Variants in DLG2 observed in about 807,000 individuals in gnomAD.
DLG2 encodes the protein discs large MAGUK scaffold protein 2.
A neutral mutation model predicts 132.5 loss-of-function variants in DLG2; 45 were observed. The ratio of observed to expected loss-of-function variants is 0.34; its 90% CI spans 0.27 to 0.44. The LOEUF (loss-of-function observed/expected upper bound fraction) is 0.44, where lower values mean the gene tolerates loss of function less well. Ranked by LOEUF, DLG2 falls within the 20% of genes least tolerant of loss-of-function variation. The pLI, the probability that DLG2 is intolerant of heterozygous loss-of-function variation, is 1.00. For synonymous variants in DLG2, 424 were observed against 419.6 expected (o/e 1.01, Z -0.13); for missense variants, 1,045 against 1,196.9 (o/e 0.87, Z 1.87).
chr11:85,254,184 C>A (rs912819161), intron 4 of DLG2, among the ~76,000 whole-genome samples: 6 of 152,114 alleles, frequency 3.9e-5, no homozygotes, highest in Non-Finnish European at 7.3e-5. Flanking sequence ...ATCAATACTA[C>A]AAATAAGTTA....
intron 21 of DLG2, among the ~76,000 whole-genome samples, chr11:83,499,310 T>G (rs2094321534): frequency 6.6e-6 from 1 of 152,196 alleles, no homozygotes. Flanking sequence ...GTATTTCAAG[T>G]GAATTTACTG....
intron 6 of DLG2, among the ~76,000 whole-genome samples, chr11:84,583,541 G>C (rs1289717973): frequency 6.6e-6 from 1 of 152,152 alleles, no homozygotes; most frequent in Non-Finnish European, 1.5e-5. Flanking sequence ...CTATATGTTT[G>C]ATGTATGCAA....
At chr11:83,852,085 C>T (rs749345004) in intron 16 of DLG2, among the ~76,000 whole-genome samples, 1 of 152,306 alleles carries the variant, frequency 6.6e-6, no homozygotes, top group African/African-American at 2.4e-5. Context: ...GAGTCCCCTA[C>T]AGGTTTCAGA....
At chr11:84,680,276 T>C (rs2099725432) in intron 6 of DLG2, among the ~76,000 whole-genome samples, 1 of 152,140 alleles carries the variant, frequency 6.6e-6, no homozygotes, top group Non-Finnish European at 1.5e-5. Context: ...CCTTTTACCC[T>C]GTCACAATTC....
chr11:83,708,915 G>C (rs1451597328), intron 18 of DLG2, among the ~76,000 whole-genome samples: 1 of 152,130 alleles, frequency 6.6e-6, no homozygotes, highest in Non-Finnish European at 1.5e-5. Flanking sequence ...TACTAGTTGA[G>C]TGATCTTGGA....
At chr11:85,497,527 T>A (rs781522938) in intron 3 of DLG2, among the ~76,000 whole-genome samples, 7 of 152,090 alleles carry the variant, frequency 4.6e-5, no homozygotes, top group Non-Finnish European at 1.0e-4. Flanking sequence ...CAGGAGAACT[T>A]CCCCAACCTG....
chr11:84,261,027 G>T lies in DLG2; in HGVS notation c.520-9736C>A, dbSNP rs73519800. ...TGCTATTCCTGGAAAGATCCATGTG[G>T]ATACCATCTGTTCCTCGTTGCTAAG... On this transcript the variant is annotated intron_variant, in intron 7 of 27. Coordinates refer to ENST00000376104, the MANE Select transcript of DLG2 (RefSeq NM_001142699.3). Among the ~76,000 whole-genome samples, 350 of 152,236 alleles carry T rather than the reference G, an allele frequency of 2.3e-3. 1 individual carries two copies. Among genetic ancestry groups the T allele is most frequent in the African/African-American group, 8.1e-3 (338 of 41,526 alleles).
chr11:85,466,324 G>A (rs1245817439), intron 3 of DLG2, among the ~76,000 whole-genome samples: 24 of 152,178 alleles, frequency 1.6e-4, no homozygotes, highest in African/African-American at 2.6e-4. Context: ...ATTAGATCCT[G>A]TTTGTCAATT....
intron 6 of DLG2, among the ~76,000 whole-genome samples, chr11:84,703,866 A>ATATATATATATATATATATATATATG (rs1356758303): frequency 2.5e-4 from 30 of 118,336 alleles, no homozygotes; most frequent in African/African-American, 1.3e-3. Context: ...AGATATATAT[A>ATATATATATATATATATATATATATG]TATATATATA....
intron 9 of DLG2, among the ~76,000 whole-genome samples, chr11:84,137,571 A>G (rs558671784): frequency 6.6e-6 from 1 of 152,178 alleles, no homozygotes; most frequent in Non-Finnish European, 1.5e-5. Flanking sequence ...GGTTATTATC[A>G]ACAGATGTTT....
intron 6 of DLG2, among the ~76,000 whole-genome samples, chr11:84,793,305 G>C (rs1012550576): frequency 6.6e-6 from 1 of 152,112 alleles, no homozygotes; most frequent in African/African-American, 2.4e-5. Context: ...AATGTTTTAA[G>C]GCTTGTTTTG....
intron 6 of DLG2, among the ~76,000 whole-genome samples, chr11:84,970,935 T>G (rs183556872): frequency 1.3e-5 from 2 of 152,198 alleles, no homozygotes; most frequent in Non-Finnish European, 2.9e-5. Context: ...CCATAATCTA[T>G]TTTCAATACT....
chr11:84,289,344 C>A (rs562980262), intron 7 of DLG2, among the ~76,000 whole-genome samples: 31 of 152,074 alleles, frequency 2.0e-4, no homozygotes, highest in Middle Eastern at 3.4e-3. Context: ...AGGAAAATTA[C>A]AAGAATCAGC....
chr11:85,516,555 A>G (rs979606290), intron 3 of DLG2, among the ~76,000 whole-genome samples: 4 of 152,080 alleles, frequency 2.6e-5, no homozygotes, highest in African/African-American at 4.8e-5. Context: ...TTGACCAAGA[A>G]GAGAGACAAT....
chr11:84,828,408 G>C (rs2078613688), intron 6 of DLG2, among the ~76,000 whole-genome samples: 2 of 151,816 alleles, frequency 1.3e-5, no homozygotes, highest in South Asian at 4.1e-4. Flanking sequence ...AAGGACTAAA[G>C]TGTTGAAGAC....
intron 3 of DLG2, among the ~76,000 whole-genome samples, chr11:85,559,535 T>C (rs1419701197): frequency 6.6e-6 from 1 of 151,500 alleles, no homozygotes; most frequent in African/African-American, 2.4e-5. Context: ...TTAATTTATA[T>C]ATGTGCTATT....
intron 8 of DLG2, among the ~76,000 whole-genome samples, chr11:84,195,039 G>A (rs1260547008): frequency 6.6e-6 from 1 of 152,218 alleles, no homozygotes; most frequent in Non-Finnish European, 1.5e-5. Flanking sequence ...CTCCCACAGT[G>A]CAGTGGCGGG....
In DLG2 at chr11:84,394,553, A is replaced by T. The variant is rs533014115; in HGVS notation, c.519+140017T>A. ...TGCAGACTTTTAAAAAAATCTGTTTACAATTCTTGTTTCTCCTTGAATCTC... is the reference window on the plus strand; with the variant it reads ...TGCAGACTTTTAAAAAAATCTGTTTTCAATTCTTGTTTCTCCTTGAATCTC... On this transcript the variant is annotated intron_variant, in intron 7 of 27. Transcript: ENST00000376104. Among the ~76,000 whole-genome samples, 12 of 152,202 alleles carry T rather than the reference A, an allele frequency of 7.9e-5. No individual in the cohort carries two copies. The East Asian group carries it at 2.3e-3, about 29-fold the overall frequency.
At position 83,459,936 on chromosome 11, in the gene DLG2, G is replaced by GCAAA; in HGVS notation, c.2822-16_2822-13dup. 1.4e-6 allele frequency: 2 copies of GCAAA among 1,390,902 alleles called. No homozygotes were observed. The highest frequency in any genetic ancestry group is 2.0e-6 in the Non-Finnish European group (2 of 982,276). The allele number at this position is 1,390,902 out of a possible 1,614,324, so 86.2% of individuals were successfully genotyped here. On this transcript the variant is annotated splice_polypyrimidine_tract_variant and intron_variant, in intron 27 of 27. Transcript: ENST00000376104. The stretch of plus-strand genomic sequence containing the variant: ...TCCTTGGACAATAGCTGTAACAAAA[G>GCAAA]CAAACACACCCAGAATTAGAAATAA...
Sources: allele counts gnomAD v4.1 joint callset (sites outside exome capture counted in the v4.1 genomes callset), GRCh38; gene constraint gnomAD v4.1.1; transcripts MANE v1.5; gene names NCBI Gene and HGNC (gene_info 2026-07-23, HGNC 2026-07-21).